The following EFCAB6 variants were observed in gnomAD, a reference collection of about 807,000 sequenced individuals.
EFCAB6 encodes EF-hand calcium binding domain 6, also known as EF-hand calcium-binding domain-containing protein 6.
EFCAB6 carries 156 observed loss-of-function variants against 169.8 expected under a neutral mutation model. The observed-to-expected ratio is 0.92, with a 90% CI of 0.81 to 1.05. The LOEUF is 1.05. Among genes scored for constraint, EFCAB6 ranks in the 50% least tolerant of loss-of-function variants. EFCAB6 has a pLI of 0.00. For missense variants in EFCAB6, 1,800 were observed against 1,829.1 expected (o/e 0.98, Z 0.29); for synonymous variants, 698 against 676.4 (o/e 1.03, Z -0.50).
Position 43,626,727 on chromosome 22 carries a change from C to T in EFCAB6, c.2233-48G>A, listed in dbSNP as rs761708262. ...AAAGCCCTTCCCCAAGAGCCCCGGACGGCCACACATGCACACCCCCACGTG... is the reference window on the plus strand; with the variant it reads ...AAAGCCCTTCCCCAAGAGCCCCGGATGGCCACACATGCACACCCCCACGTG... On this transcript the variant is annotated intron_variant, in intron 19 of 31. Transcript: ENST00000262726. 2.3e-5 allele frequency: 36 copies of T among 1,587,780 alleles called. 1 individual carries two copies. Among genetic ancestry groups the T allele is most frequent in the Admixed American group, 1.3e-4 (8 of 59,688 alleles).
At chr22:43,675,562 TC>T (rs2057718717) in intron 13 of EFCAB6, among the ~76,000 whole-genome samples, 2 of 144,564 alleles carry the variant, frequency 1.4e-5, no homozygotes, top group African/African-American at 2.5e-5. Context: ...TCTATATATA[TC>T]CAGATATAGT....
chr22:43,601,468 C>T (rs193193230), intron 22 of EFCAB6, among the ~76,000 whole-genome samples: 2 of 152,294 alleles, frequency 1.3e-5, no homozygotes, highest in African/African-American at 4.8e-5. Context: ...AACAATGTTG[C>T]CAGCATAATT....
intron 10 of EFCAB6, among the ~76,000 whole-genome samples, chr22:43,708,656 A>G (rs964331011): frequency 6.6e-6 from 1 of 152,210 alleles, no homozygotes; most frequent in Non-Finnish European, 1.5e-5. Context: ...AGTTGGAAAA[A>G]GATATACCTG....
At chr22:43,613,972 T>C (rs2053507293) in intron 21 of EFCAB6, among the ~76,000 whole-genome samples, 1 of 151,952 alleles carries the variant, frequency 6.6e-6, no homozygotes, top group African/African-American at 2.4e-5. Context: ...GCAAGAGCTA[T>C]ATAATGAAAA....
At chr22:43,712,384 A>G (rs1337860743) in intron 9 of EFCAB6, among the ~76,000 whole-genome samples, 1 of 152,150 alleles carries the variant, frequency 6.6e-6, no homozygotes, top group African/African-American at 2.4e-5. Context: ...AATCACCACA[A>G]CTTGGTGTAA....
chr22:43,560,658 T>A (rs564587577), intron 26 of EFCAB6, among the ~76,000 whole-genome samples: 1 of 152,128 alleles, frequency 6.6e-6, no homozygotes, highest in Non-Finnish European at 1.5e-5. Flanking sequence ...CCACGGGAAG[T>A]GCAGGTGGAA....
At chr22:43,752,331 T>C (rs1390712701) in intron 6 of EFCAB6, among the ~76,000 whole-genome samples, 1 of 152,182 alleles carries the variant, frequency 6.6e-6, no homozygotes, top group Non-Finnish European at 1.5e-5. Flanking sequence ...TTGACCAGGC[T>C]GGTCTTAAAC....
At chr22:43,687,696 T>G (rs972219952) in intron 10 of EFCAB6, 115 bp from the exon 11 acceptor site, 35 of 569,110 alleles carry the variant, frequency 6.1e-5, no homozygotes, top group African/African-American at 5.8e-4. Flanking sequence ...TATATGAAGT[T>G]TCAAATCTAA....
chr22:43,609,887 G>A (rs556420898), intron 21 of EFCAB6, among the ~76,000 whole-genome samples: 1 of 152,304 alleles, frequency 6.6e-6, no homozygotes, highest in African/African-American at 2.4e-5. Context: ...GAGGAGGTCA[G>A]TAATACCCAC....
At chr22:43,599,680 C>T (rs2052345871) in intron 23 of EFCAB6, among the ~76,000 whole-genome samples, 1 of 152,078 alleles carries the variant, frequency 6.6e-6, no homozygotes, top group Non-Finnish European at 1.5e-5. Context: ...ATTCATTCAA[C>T]AGATATTACT....
chr22:43,589,280 C>CAAAAAAAAAAAAAAAAAAAAAAAAAAAA (rs1163346832), intron 24 of EFCAB6, among the ~76,000 whole-genome samples: 1 of 80,934 alleles, frequency 1.2e-5, no homozygotes, highest in African/African-American at 7.5e-5. Flanking sequence ...GACTTCATGT[C>CAAAAAAAAAAAAAAAAAAAAAAAAAAAA]AAAAAAAAAA....
intron 13 of EFCAB6, among the ~76,000 whole-genome samples, chr22:43,676,481 T>C (rs137783): frequency 0.55 from 82,272 of 150,780 alleles, 22,758 homozygotes; most frequent in East Asian, 0.77. Context: ...CCCACCCACA[T>C]ACAAAGAGTG....
chr22:43,665,816 C>G (rs2057220727), intron 17 of EFCAB6, among the ~76,000 whole-genome samples: 1 of 152,256 alleles, frequency 6.6e-6, no homozygotes, highest in Admixed American at 6.5e-5. Context: ...GAGACTGAGT[C>G]TTGCTCTGTC....
At position 43,534,823 on chromosome 22, in the gene EFCAB6, C is replaced by T. The variant is rs766710333; in HGVS notation, c.4098G>A (p.Gln1366=). ...NLDISKEECQ[Q]LIIKYDLKSN... ...TCTTTAAGTCGTATTTTATAATGAG[C>T]TGCTGACACTCCTCTTTGCTTATGT... is the stretch of plus-strand genomic sequence containing the variant. The change falls in exon 30 of 32, where the codon CAG becomes CAA. Residue 1366 remains glutamine (Q), a synonymous_variant. Transcript: ENST00000262726. The T allele has an allele frequency of 6.2e-7, 1 of 1,613,478 alleles. No homozygotes were observed. The highest frequency in any genetic ancestry group is 8.5e-7 in the Non-Finnish European group (1 of 1,179,854).
At chr22:43,550,959 A>G (rs2048346885) in intron 27 of EFCAB6, among the ~76,000 whole-genome samples, 1 of 152,214 alleles carries the variant, frequency 6.6e-6, no homozygotes, top group South Asian at 2.1e-4. Context: ...GTTTCAAAAG[A>G]TGTGTCACTT....
At chr22:43,530,632 C>A in intron 31 of EFCAB6, 183 bp downstream of exon 31, 1 of 985,408 alleles carries the variant, frequency 1.0e-6, no homozygotes. Flanking sequence ...AACCCGGGGT[C>A]TGAAGGTGAG....
At chr22:43,725,425 C>T (rs2059694046) in intron 8 of EFCAB6, among the ~76,000 whole-genome samples, 3 of 152,226 alleles carry the variant, frequency 2.0e-5, no homozygotes, top group Admixed American at 6.5e-5. Flanking sequence ...ACAGGCGTGA[C>T]CCACTGCACC....
At chr22:43,581,624 A>G (rs970773949) in intron 24 of EFCAB6, among the ~76,000 whole-genome samples, 1 of 152,258 alleles carries the variant, frequency 6.6e-6, no homozygotes, top group African/African-American at 2.4e-5. Flanking sequence ...GCTGGCACTT[A>G]AACACCTAAA....
chr22:43,763,249 T>C (rs1418938215), intron 5 of EFCAB6, among the ~76,000 whole-genome samples: 1 of 152,112 alleles, frequency 6.6e-6, no homozygotes, highest in African/African-American at 2.4e-5. Context: ...ACGTTGGCTA[T>C]GCTAGTCTCG....
Sources: allele counts gnomAD v4.1 joint callset (sites outside exome capture counted in the v4.1 genomes callset), GRCh38; gene constraint gnomAD v4.1.1; transcripts MANE v1.5; gene names NCBI Gene and HGNC (gene_info 2026-07-23, HGNC 2026-07-21).